Variants in KIF12 observed in about 807,000 individuals in gnomAD.
The protein encoded by KIF12 is kinesin-like protein KIF12.
In KIF12, 80 loss-of-function variants were observed where a neutral mutation model predicts 87.9. The ratio of observed to expected loss-of-function variants is 0.91; its 90% CI spans 0.76 to 1.10. The LOEUF is 1.10. KIF12 is among the 50% of genes least tolerant of loss of function. The pLI is 0.00. For synonymous variants in KIF12, 353 were observed against 348.5 expected (o/e 1.01, Z -0.14); for missense variants, 819 against 865.3 (o/e 0.95, Z 0.67).
Position 114,095,046 on chromosome 9 carries a change from T to C in KIF12, c.1096A>G (p.Thr366Ala). The C allele has an allele frequency of 6.2e-7, 1 of 1,604,632 alleles. No individual in the cohort carries two copies. Among genetic ancestry groups the C allele is most frequent in the African/African-American group, 1.3e-5 (1 of 74,930 alleles). The change falls in exon 11 of 19, where the codon ACC (threonine) becomes GCC (alanine). Residue 366 changes from threonine to alanine, a missense_variant. Coordinates refer to ENST00000640217, the MANE Select transcript of KIF12 (RefSeq NM_001388308.1). ...LRYASRAQRV[T>A]TRPQAPKSPV... is the part of the protein sequence containing the mutation. ...ACCTTGGGGGCCTGTGGTCGGGTGG[T>C]GACCCGCTGAGCTCGGCTTGCATAT...
Position 114,097,705 on chromosome 9 carries a change from T to C in KIF12, c.412A>G (p.Ile138Val), listed in dbSNP as rs756869155. 16 of 1,613,968 alleles carry C rather than the reference T, an allele frequency of 9.9e-6. No homozygotes were observed. The highest frequency in any genetic ancestry group is 1.2e-5 in the Non-Finnish European group (14 of 1,180,014). The change falls in exon 6 of 19, where the codon ATC (isoleucine) becomes GTC (valine). Residue 138 changes from isoleucine (I) to valine (V), a missense_variant. Ile to Val is a conservative substitution (Grantham distance 29). Transcript: ENST00000640217. ...GVPVPPSLAG[I>V]MQRTFAWLLD... ...AGCCAGGCGAAGGTCCTCTGCATGATGCCAGCCAGGCTGGGGGGTACAGGC... is the reference window on the plus strand; with the variant it reads ...AGCCAGGCGAAGGTCCTCTGCATGACGCCAGCCAGGCTGGGGGGTACAGGC...
rs1847015579 is a variant in KIF12 at position 114,091,977 on chromosome 9, C to T, written c.1840G>A (p.Ala614Thr). Residue 614 changes from alanine to threonine, a missense_variant, in exon 19 of 19, where the codon GCC (alanine) becomes ACC (threonine). Physicochemically the swap from Ala to Thr is moderately conservative, Grantham distance 58. Transcript: ENST00000640217. The stretch of plus-strand genomic sequence containing the variant: ...TCTCTGAGGGCCTCCAGTCTCTGGG[C>T]CAGGTTTGGAACCCCGGCCCCACCT... ...LRGGAGVPNL[A>T]QRLEALRDQI... The T allele has an allele frequency of 1.2e-6, 2 of 1,612,212 alleles. No individual in the cohort carries two copies. Among genetic ancestry groups the T allele is most frequent in the Non-Finnish European group, 8.5e-7 (1 of 1,179,630 alleles).
At position 114,097,396 on chromosome 9, in the gene KIF12, G is replaced by A. The variant is rs1193098966; in HGVS notation, c.551C>T (p.Pro184Leu). Reference sequence around the variant, plus strand: ...GCCCCGAGTCTTGTTCCAGCGAACAGGGAGGGGCCGGGGAGACCCCAGGCT... The same window carrying A: ...GCCCCGAGTCTTGTTCCAGCGAACAAGGAGGGGCCGGGGAGACCCCAGGCT... ...LLSLGSPRPL[P>L]VRWNKTRGFY... The change falls in exon 7 of 19, where the codon CCT becomes CTT. Residue 184 changes from proline (P) to leucine (L), a missense_variant. By Grantham distance (98) the Pro-to-Leu change is moderately conservative (BLOSUM62 -3). Transcript: ENST00000640217. 1 of 1,606,164 alleles carries A rather than the reference G, an allele frequency of 6.2e-7. No individual in the cohort carries two copies. The highest frequency in any genetic ancestry group is 8.5e-7 in the Non-Finnish European group (1 of 1,177,808).
chr9:114,095,489 C>T (rs1847185160), intron 9 of KIF12, among the ~76,000 whole-genome samples, 157 bp from the exon 10 acceptor site: 1 of 152,332 alleles, frequency 6.6e-6, no homozygotes, highest in Middle Eastern at 3.4e-3. Context: ...GTCTCCACCA[C>T]CAGACTGGGA....
At chr9:114,092,702 C>T (rs561160228) in intron 16 of KIF12, 60 bp from the exon 17 acceptor site, 1 of 1,532,116 alleles carries the variant, frequency 6.5e-7, no homozygotes, top group Non-Finnish European at 8.7e-7. Flanking sequence ...TGTGTCCCAC[C>T]TACCTGGTGC....
In KIF12 at chr9:114,098,991, C is replaced by T. The variant is rs949555676; in HGVS notation, c.115G>A (p.Glu39Lys). The change falls in exon 3 of 19, where the codon GAG becomes AAG. Residue 39 changes from glutamate to lysine, a missense_variant. By Grantham distance (56) the Glu-to-Lys change is moderately conservative. Transcript: ENST00000640217. Reference protein sequence around the residue: ...VLRVRPMSAAELRRGQQSVLH... With the variant: ...VLRVRPMSAAKLRRGQQSVLH... ...ACGCTCTGCTGCCCTCGACGCAGCT[C>T]GGCCGCGCTCATGGGACGTACCCTG... 1.3e-6 allele frequency: 2 copies of T among 1,550,198 alleles called. No individual in the cohort carries two copies. Among genetic ancestry groups the T allele is most frequent in the Non-Finnish European group, 8.7e-7 (1 of 1,146,844 alleles).
Position 114,095,293 on chromosome 9 carries a change from T to C in KIF12, c.935A>G (p.Gln312Arg), listed in dbSNP as rs201460925. 395 of 1,613,776 alleles carry C rather than the reference T, an allele frequency of 2.4e-4. No individual in the cohort carries two copies. Among genetic ancestry groups the C allele is most frequent in the Non-Finnish European group, 3.2e-4 (373 of 1,180,022 alleles). ...GCTGTCCCGGAAAGGGATGTGGCTC[T>C]GCTTCCGCTGTGGGTCCAGCAGCAG... ...ISLLLDPQRK[Q>R]SHIPFRDSKL... The change falls in exon 10 of 19, where the codon CAG (glutamine) becomes CGG (arginine). Residue 312 changes from glutamine to arginine, a missense_variant. Physicochemically the swap from Gln to Arg is conservative, Grantham distance 43 (BLOSUM62 1). Transcript: ENST00000640217.
At position 114,093,677 on chromosome 9, in the gene KIF12, C is replaced by T. The variant is rs140684181; in HGVS notation, c.1401-180G>A. 1.5e-3 allele frequency among the ~76,000 whole-genome samples: 223 copies of T among 152,292 alleles called. 1 individual carries two copies. Among genetic ancestry groups the T allele is most frequent in the African/African-American group, 5.2e-3 (215 of 41,544 alleles). ...AAAACAAGCCTATAAGTAGGCACGACGATGAACCCCATCTTACAGAAGAGG... is the reference window on the plus strand; with the variant it reads ...AAAACAAGCCTATAAGTAGGCACGATGATGAACCCCATCTTACAGAAGAGG... On this transcript the variant is annotated intron_variant, in intron 14 of 18. Transcript: ENST00000640217.
intron 11 of KIF12, 44 bp from the exon 12 acceptor site, chr9:114,094,499 T>G (rs753284275): frequency 8.3e-7 from 1 of 1,200,972 alleles, no homozygotes; most frequent in African/African-American, 1.5e-5. Context: ...GTTGTATAAG[T>G]CGTGCACTGC....
At chr9:114,098,056 C>A in intron 5 of KIF12, 59 bp downstream of exon 5, 1 of 1,486,462 alleles carries the variant, frequency 6.7e-7, no homozygotes. Context: ...CCTGCGGCTC[C>A]CCAGGGCTTC....
At position 114,098,357 on chromosome 9, in the gene KIF12, CCTGCGTGCGCG is replaced by C. The variant is rs1384187753; in HGVS notation, c.233_243del (p.Ala78GlyfsTer88). On this transcript the variant is annotated frameshift_variant, in exon 4 of 19. Transcript: ENST00000640217. LOFTEE classifies it high-confidence loss of function. ...ACGCCGCACGCCCGGAACACGTCCT[CCTGCGTGCGCG>C]CCGCGTCTAGCACCGCACCGAAGCG... is the stretch of plus-strand genomic sequence containing the variant. 4.0e-6 allele frequency: 6 copies of C among 1,498,258 alleles called. No homozygotes were observed. Among genetic ancestry groups the C allele is most frequent in the Non-Finnish European group, 5.3e-6 (6 of 1,128,638 alleles). 92.8% of individuals were successfully genotyped at this position (1,498,258 alleles called of 1,614,324 possible). A position where few individuals can be genotyped will look rare whatever the true frequency, so the allele number is the denominator to read the frequency against.
Position 114,099,231 on chromosome 9 carries a change from C to T in KIF12, c.26+20G>A, listed in dbSNP as rs909697355. ...AGCGGCTGTTCAGGACTCCTCGAAC[C>T]TGTCTGAAGATCTGCTTACCCGTCG... On this transcript the variant is annotated intron_variant, in intron 1 of 18. Coordinates refer to ENST00000640217, the MANE Select transcript of KIF12 (RefSeq NM_001388308.1). 2 of 1,550,926 alleles carry T rather than the reference C, an allele frequency of 1.3e-6. No homozygotes were observed. The highest frequency in any genetic ancestry group is 1.7e-6 in the Non-Finnish European group (2 of 1,147,100).
Position 114,095,322 on chromosome 9 carries a change from G to A in KIF12, c.906C>T (p.Ile302=). The A allele has an allele frequency of 1.2e-6, 2 of 1,613,270 alleles. No individual in the cohort carries two copies. Among genetic ancestry groups the A allele is most frequent in the East Asian group, 2.2e-5 (1 of 44,870 alleles). Residue 302 remains isoleucine, a synonymous_variant, in exon 10 of 19, where the codon ATC becomes ATT. Transcript: ENST00000640217. ...NRSLLALGHC[I]SLLLDPQRKQ... ...TCCGCTGTGGGTCCAGCAGCAGGGA[G>A]ATGCAGTGACCTGGGGAGGGAGAGC...
chr9:114,096,262 C>T, intron 8 of KIF12, 55 bp from the exon 9 acceptor site: 2 of 1,609,768 alleles, frequency 1.2e-6, no homozygotes, highest in East Asian at 2.2e-5. Context: ...ATCAAAGCCA[C>T]AAGGTTATGG....
In KIF12 at chr9:114,098,363, T is replaced by C. The variant is rs1013656309; in HGVS notation, c.238A>G (p.Thr80Ala). The change falls in exon 4 of 19, where the codon ACG becomes GCG. Residue 80 changes from threonine to alanine, a missense_variant. Coordinates refer to ENST00000640217, the MANE Select transcript of KIF12 (RefSeq NM_001388308.1). The part of the protein sequence containing the change: ...RFGAVLDAAR[T>A]QEDVFRACGV... ...CACGCCCGGAACACGTCCTCCTGCG[T>C]GCGCGCCGCGTCTAGCACCGCACCG... 2.1e-5 allele frequency: 32 copies of C among 1,500,098 alleles called. No homozygotes were observed. The highest frequency in any genetic ancestry group is 2.7e-5 in the Non-Finnish European group (30 of 1,129,992). 92.9% of individuals were successfully genotyped at this position (1,500,098 alleles called of 1,614,324 possible).
At chr9:114,093,715 T>C (rs1266903355) in intron 14 of KIF12, among the ~76,000 whole-genome samples, 171 bp downstream of exon 14, 1 of 152,122 alleles carries the variant, frequency 6.6e-6, no homozygotes, top group Non-Finnish European at 1.5e-5. Flanking sequence ...ACCCAGGCAG[T>C]GAGAAGTTAA....
chr9:114,093,240 G>A lies in KIF12; in HGVS notation c.1585C>T (p.His529Tyr), dbSNP rs1187201373. ...ATGGCCTTTCCTACCTGGGGCAGGT[G>A]GTGCTCCCCTGGCAGGCAGGCCCAG... ...AHWACLPGEHHLPQVLDPEAS... is the reference protein window; with the variant it reads ...AHWACLPGEHYLPQVLDPEAS... Residue 529 changes from histidine to tyrosine, a missense_variant, in exon 16 of 19, where the codon CAC (histidine) becomes TAC (tyrosine). His to Tyr is a moderately conservative substitution (Grantham distance 83). Transcript: ENST00000640217. The A allele has an allele frequency of 6.4e-7, 1 of 1,552,908 alleles. No individual in the cohort carries two copies. Among genetic ancestry groups the A allele is most frequent in the South Asian group, 1.2e-5 (1 of 84,156 alleles).
rs773155552 is a variant in KIF12, at chr9:114,096,037, C to G, written c.895+14G>C. On this transcript the variant is annotated intron_variant, in intron 9 of 18. Transcript: ENST00000640217. The stretch of plus-strand genomic sequence containing the variant: ...GAGAGACAGGAAATCACACCGGTGG[C>G]CCCCAGGTCTCACCCAGGGCCAGCA... 1.9e-6 allele frequency: 3 copies of G among 1,598,870 alleles called. No homozygotes were observed. The highest frequency in any genetic ancestry group is 2.6e-6 in the Non-Finnish European group (3 of 1,173,106).
intron 16 of KIF12, 94 bp downstream of exon 16, chr9:114,093,135 G>T: frequency 7.9e-7 from 1 of 1,269,752 alleles, no homozygotes; most frequent in Non-Finnish European, 1.1e-6. Context: ...CTAGCCTGCA[G>T]CCCTGGAATC....
Sources: gnomAD v4.1 joint callset for allele counts (sites outside exome capture counted in the v4.1 genomes callset) on GRCh38, gnomAD v4.1.1 for gene constraint, MANE v1.5 for transcripts, NCBI Gene and HGNC (gene_info 2026-07-23, HGNC 2026-07-21) for gene names.